Variants in ITCH observed in about 807,000 individuals in gnomAD.
ITCH encodes the protein E3 ubiquitin-protein ligase Itchy homolog.
Under a neutral mutation model 126.8 loss-of-function variants are expected in ITCH, and 28 were observed. That is an observed-to-expected ratio of 0.22 (90% confidence interval 0.16 to 0.30). ITCH has a LOEUF of 0.30. Among genes scored for constraint, ITCH ranks in the 10% least tolerant of loss-of-function variants. The pLI is 1.00. For missense variants in ITCH, 631 were observed against 1,032.4 expected, an observed-to-expected ratio of 0.61 and a Z score of 5.33; for synonymous variants, 342 against 340.0, an observed-to-expected ratio of 1.01 and a Z score of -0.06.
intron 2 of ITCH, among the ~76,000 whole-genome samples, chr20:34,376,235 C>T (rs2037839808): frequency 6.6e-6 from 1 of 151,902 alleles, no homozygotes; most frequent in Non-Finnish European, 1.5e-5. Flanking sequence ...TTTAACCAGC[C>T]TCGGCAGCAT....
intron 23 of ITCH, among the ~76,000 whole-genome samples, chr20:34,502,757 G>A (rs1454485400): frequency 6.7e-6 from 1 of 148,784 alleles, no homozygotes; most frequent in African/African-American, 2.5e-5. Flanking sequence ...GATGGCTCAT[G>A]CCTGTAATCC....
At chr20:34,502,207 CTCCTT>C (rs1332527422) in intron 23 of ITCH, among the ~76,000 whole-genome samples, 1 of 152,072 alleles carries the variant, frequency 6.6e-6, no homozygotes, top group African/African-American at 2.4e-5. Flanking sequence ...TTAAATGAAA[CTCCTT>C]TCCATCTATG....
At chr20:34,395,229 T>C (rs1226257242) in intron 3 of ITCH, among the ~76,000 whole-genome samples, 1 of 143,530 alleles carries the variant, frequency 7.0e-6, no homozygotes, top group African/African-American at 2.6e-5. Context: ...CGAGACTCCA[T>C]CTCAAAAAAA....
At chr20:34,466,855 G>T (rs1255494637) in intron 14 of ITCH, among the ~76,000 whole-genome samples, 1 of 152,166 alleles carries the variant, frequency 6.6e-6, no homozygotes, top group East Asian at 1.9e-4. Flanking sequence ...GATAAAATCA[G>T]TGATCTCTGC....
rs1298141589 is a variant in ITCH at position 34,507,886 on chromosome 20, G to A, written c.*92G>A. 1 of 870,276 alleles carries A rather than the reference G, an allele frequency of 1.1e-6. No individual in the cohort carries two copies. Among genetic ancestry groups the A allele is most frequent in the African/African-American group, 1.7e-5 (1 of 59,884 alleles). The allele number at this position is 870,276 out of a possible 1,614,324, so 53.9% of individuals were successfully genotyped here. A position where few individuals can be genotyped will look rare whatever the true frequency, so the allele number is the denominator to read the frequency against. ...GCACATCTTGTAAAATTGGACAATG[G>A]CTCTTTAGAGAGTTATCTGAGTGTA... On this transcript the variant is annotated 3_prime_UTR_variant, in exon 25 of 25. Transcript: ENST00000374864.
chr20:34,413,265 AAT>A (rs1375179342), intron 5 of ITCH, among the ~76,000 whole-genome samples: 3 of 152,160 alleles, frequency 2.0e-5, no homozygotes, highest in African/African-American at 7.2e-5. Flanking sequence ...ATAATGTAGA[AAT>A]ATGTGTAGCT....
intron 14 of ITCH, among the ~76,000 whole-genome samples, chr20:34,466,702 A>G (rs896816063): frequency 2.0e-5 from 3 of 152,186 alleles, no homozygotes; most frequent in African/African-American, 7.2e-5. Flanking sequence ...CCATTGCTCA[A>G]AAAAGAAGTT....
At chr20:34,422,467 C>T (rs1980903175) in intron 6 of ITCH, among the ~76,000 whole-genome samples, 1 of 152,134 alleles carries the variant, frequency 6.6e-6, no homozygotes, top group Non-Finnish European at 1.5e-5. Context: ...TTTCTGATTT[C>T]ATTTATGTCC....
intron 23 of ITCH, among the ~76,000 whole-genome samples, chr20:34,495,683 C>G (rs1278992078): frequency 1.3e-5 from 2 of 151,838 alleles, no homozygotes; most frequent in Non-Finnish European, 2.9e-5. Context: ...ATCCGTTTAC[C>G]TGATTATGGA....
chr20:34,389,028 A>G (rs577502316), intron 2 of ITCH, among the ~76,000 whole-genome samples: 1 of 152,278 alleles, frequency 6.6e-6, no homozygotes, highest in Admixed American at 6.5e-5. Flanking sequence ...GATTGCTTCT[A>G]GGACCACCAC....
intron 2 of ITCH, among the ~76,000 whole-genome samples, chr20:34,373,605 C>T (rs2037724031): frequency 6.6e-6 from 1 of 152,124 alleles, no homozygotes; most frequent in African/African-American, 2.4e-5. Flanking sequence ...GTATGCTAGA[C>T]ATTGCAGGGA....
At chr20:34,466,514 A>C (rs1429002431) in intron 14 of ITCH, 40 of 463,898 alleles carry the variant, frequency 8.6e-5, no homozygotes, top group Non-Finnish European at 1.7e-5. Context: ...GAAATTACAG[A>C]GGTAATTTAG....
intron 6 of ITCH, 109 bp from the exon 7 acceptor site, chr20:34,424,371 A>G (rs939098963): frequency 3.6e-6 from 3 of 835,136 alleles, no homozygotes; most frequent in African/African-American, 3.4e-5. Context: ...TATGTTCTTT[A>G]TTACAAAGAT....
chr20:34,363,892 C>A (rs544875023), intron 1 of ITCH, among the ~76,000 whole-genome samples: 2 of 152,286 alleles, frequency 1.3e-5, no homozygotes, highest in East Asian at 3.9e-4. Context: ...CTTCCATTGT[C>A]CCCCCGGCGT....
intron 3 of ITCH, among the ~76,000 whole-genome samples, chr20:34,404,699 C>T (rs1568900476): frequency 1.3e-5 from 2 of 152,072 alleles, no homozygotes; most frequent in South Asian, 4.2e-4. Context: ...AGGTGTGAGC[C>T]ACCACGTTCG....
In ITCH at chr20:34,499,397, A is replaced by T. The variant is rs1378382170; in HGVS notation, c.2417-4934A>T. Among the ~76,000 whole-genome samples, 3 of 143,288 alleles carry T rather than the reference A, an allele frequency of 2.1e-5. No individual in the cohort carries two copies. The Admixed American group carries it at 2.2e-4, about 10-fold the overall frequency. The allele number at this position is 143,288 out of a possible 152,430, so 94.0% of individuals were successfully genotyped here. On this transcript the variant is annotated intron_variant, in intron 23 of 24. Coordinates refer to ENST00000374864, the MANE Select transcript of ITCH (RefSeq NM_031483.7). The stretch of plus-strand genomic sequence containing the variant: ...CATGTTACTTATAATTGATCTTTTC[A>T]GCTTTTCTGCTTTTTCTTGGTTCAG...
chr20:34,480,558 T>C, intron 18 of ITCH, 41 bp from the exon 19 acceptor site: 5 of 1,601,574 alleles, frequency 3.1e-6, no homozygotes, highest in Non-Finnish European at 4.3e-6. Flanking sequence ...AAATGATTAT[T>C]GTACAGTTAT....
intron 3 of ITCH, among the ~76,000 whole-genome samples, chr20:34,396,528 A>G (rs760175826): frequency 2.0e-5 from 3 of 151,214 alleles, no homozygotes; most frequent in Non-Finnish European, 4.4e-5. Flanking sequence ...TTTTGAGACC[A>G]GGTGACAGTC....
chr20:34,428,895 A>T (rs1433210417), intron 7 of ITCH, among the ~76,000 whole-genome samples: 1 of 152,186 alleles, frequency 6.6e-6, no homozygotes, highest in Non-Finnish European at 1.5e-5. Context: ...GAATAGGGGA[A>T]CAAAGTTATA....
Sources: gnomAD v4.1 joint callset for allele counts (sites outside exome capture counted in the v4.1 genomes callset) on GRCh38, gnomAD v4.1.1 for gene constraint, MANE v1.5 for transcripts, NCBI Gene and HGNC (gene_info 2026-07-23, HGNC 2026-07-21) for gene names.